MGAT4A: variants seen among roughly 807,000 people sequenced by gnomAD.
MGAT4A encodes the protein alpha-1,3-mannosyl-glycoprotein 4-beta-N-acetylglucosaminyltransferase A, also known as N-acetylglucosaminyltransferase IVa.
Under a neutral mutation model 74.1 loss-of-function variants are expected in MGAT4A, and 33 were observed. The observed-to-expected ratio is 0.45, with a 90% CI of 0.34 to 0.60. The LOEUF (loss-of-function observed/expected upper bound fraction) is 0.60. Ranked by LOEUF, MGAT4A falls within the 20% of genes least tolerant of loss-of-function variation. The pLI, the probability that MGAT4A is intolerant of heterozygous loss-of-function variation, is 0.02. For synonymous variants in MGAT4A, 198 were observed against 210.4 expected (o/e 0.94, Z 0.51); for missense variants, 479 against 628.3 (o/e 0.76, Z 2.54).
At chr2:98,658,297 GTTTTT>G (rs770534189) in intron 5 of MGAT4A, 33 bp from the exon 6 acceptor site, 1 of 1,343,792 alleles carries the variant, frequency 7.4e-7, no homozygotes, top group Non-Finnish European at 1.0e-6. Context: ...CTATATTCAA[GTTTTT>G]ATATTTTTAT....
intron 2 of MGAT4A, among the ~76,000 whole-genome samples, chr2:98,723,241 GGAGAT>G (rs965111816): frequency 2.0e-5 from 3 of 152,134 alleles, no homozygotes; most frequent in African/African-American, 7.2e-5. Context: ...GAAAGCTTAA[GGAGAT>G]GAATAACTCC....
At chr2:98,663,315 G>GA (rs1314365617) in intron 4 of MGAT4A, 136 bp from the exon 5 acceptor site, 1 of 1,522,800 alleles carries the variant, frequency 6.6e-7, no homozygotes, top group East Asian at 2.4e-5. Context: ...GTTTCAGGAA[G>GA]AAAAATAAAG....
intron 4 of MGAT4A, among the ~76,000 whole-genome samples, chr2:98,668,252 T>C (rs906711652): frequency 1.1e-4 from 17 of 151,966 alleles, no homozygotes; most frequent in African/African-American, 4.1e-4. Context: ...GAGGGAAAAA[T>C]GGTTTCCTGG....
intron 14 of MGAT4A, 92 bp downstream of exon 14, chr2:98,635,130 T>C (rs1701299598): frequency 3.3e-6 from 3 of 916,786 alleles, no homozygotes; most frequent in African/African-American, 3.3e-5. Flanking sequence ...GTAATTGTAA[T>C]CCTCAAGTTG....
intron 12 of MGAT4A, 80 bp downstream of exon 12, chr2:98,639,728 C>T: frequency 7.5e-7 from 1 of 1,325,060 alleles, no homozygotes; most frequent in Non-Finnish European, 1.0e-6. Flanking sequence ...GTCAGGCACA[C>T]ACACAAAAAT....
At chr2:98,681,321 A>G in intron 2 of MGAT4A, among the ~76,000 whole-genome samples, 1 of 152,150 alleles carries the variant, frequency 6.6e-6, no homozygotes, top group Non-Finnish European at 1.5e-5. Context: ...TTTGAACTTG[A>G]TGTATAATTC....
chr2:98,641,121 G>C (rs899543123), intron 10 of MGAT4A, among the ~76,000 whole-genome samples: 5 of 152,144 alleles, frequency 3.3e-5, no homozygotes, highest in African/African-American at 1.2e-4. Context: ...TGTGAAGGCT[G>C]TGCAACACCG....
At chr2:98,638,821 G>A (rs1701361445) in intron 12 of MGAT4A, among the ~76,000 whole-genome samples, 1 of 152,130 alleles carries the variant, frequency 6.6e-6, no homozygotes, top group African/African-American at 2.4e-5. Flanking sequence ...ACCTCAAATA[G>A]AATTACTGAA....
intron 2 of MGAT4A, among the ~76,000 whole-genome samples, chr2:98,684,668 A>G (rs900659661): frequency 2.0e-5 from 3 of 152,210 alleles, no homozygotes; most frequent in Non-Finnish European, 4.4e-5. Context: ...ATTGTTCAAC[A>G]GTATAAATGA....
At chr2:98,652,475 G>C (rs568541545) in intron 8 of MGAT4A, among the ~76,000 whole-genome samples, 1 of 151,970 alleles carries the variant, frequency 6.6e-6, no homozygotes, top group Admixed American at 6.6e-5. Context: ...GGACTACTAG[G>C]CGCCCGCCAC....
chr2:98,630,808 G>A (rs1701220398), intron 14 of MGAT4A, among the ~76,000 whole-genome samples: 1 of 152,144 alleles, frequency 6.6e-6, no homozygotes, highest in Non-Finnish European at 1.5e-5. Flanking sequence ...AGAAGAAAAG[G>A]GAAGAAGACT....
chr2:98,663,277 G>A, intron 4 of MGAT4A, 98 bp from the exon 5 acceptor site: 2 of 1,533,166 alleles, frequency 1.3e-6, no homozygotes, highest in South Asian at 2.4e-5. Context: ...AAATTGATAG[G>A]AATAACTGAT....
chr2:98,713,213 G>T (rs28501671), intron 2 of MGAT4A, among the ~76,000 whole-genome samples: 42,937 of 135,868 alleles, frequency 0.32, 9,105 homozygotes, highest in African/African-American at 0.58. Context: ...AAAAAAAGCC[G>T]TTTATCTTTA....
intron 2 of MGAT4A, chr2:98,694,753 G>C (rs1453498106): frequency 1.3e-5 from 2 of 152,252 alleles, no homozygotes; most frequent in African/African-American, 4.8e-5. Flanking sequence ...GAACCCAGAA[G>C]GCGGAGGTTG....
intron 4 of MGAT4A, among the ~76,000 whole-genome samples, chr2:98,667,899 T>A (rs1277881806): frequency 6.6e-6 from 1 of 152,080 alleles, no homozygotes; most frequent in Non-Finnish European, 1.5e-5. Flanking sequence ...TTTGTATTTT[T>A]AGTAGAGACA....
intron 4 of MGAT4A, 87 bp downstream of exon 4, chr2:98,674,948 C>A: frequency 7.2e-7 from 1 of 1,388,076 alleles, no homozygotes; most frequent in Non-Finnish European, 9.9e-7. Context: ...ATTTTTTGAC[C>A]TCCCAGACTT....
rs773491929 is a variant in MGAT4A, at chr2:98,726,264, C to A, written c.69G>T (p.Trp23Cys). 3 of 1,613,886 alleles carry A rather than the reference C, an allele frequency of 1.9e-6. No homozygotes were observed. The South Asian group carries it at 3.3e-5, about 18-fold the overall frequency. Reference sequence around the variant, plus strand: ...CTTTCCCATTTTGCCATGTAGTATACCAAGACAAAGTAAGGAAGGAAGTGA... The same window carrying A: ...CTTTCCCATTTTGCCATGTAGTATAACAAGACAAAGTAAGGAAGGAAGTGA... ...AFITSFLTLS[W>C]YTTWQNGKEK... The change falls in exon 2 of 16, where the codon TGG becomes TGT. Residue 23 changes from tryptophan (W) to cysteine (C), a missense_variant. By Grantham distance (215) the Trp-to-Cys change is radical. Transcript: ENST00000393487.
At chr2:98,707,252 A>G (rs1365938748) in intron 2 of MGAT4A, among the ~76,000 whole-genome samples, 1 of 152,188 alleles carries the variant, frequency 6.6e-6, no homozygotes, top group East Asian at 1.9e-4. Context: ...TAATAGGAAT[A>G]TAGGTGTTTC....
intron 2 of MGAT4A, among the ~76,000 whole-genome samples, chr2:98,725,618 TAA>T (rs5832857): frequency 7.7e-5 from 11 of 142,312 alleles, no homozygotes; most frequent in Admixed American, 7.0e-5. Context: ...TAGTTTCTCT[TAA>T]AAAAAAAAAA....
Sources: allele counts gnomAD v4.1 joint callset (sites outside exome capture counted in the v4.1 genomes callset), GRCh38; gene constraint gnomAD v4.1.1; transcripts MANE v1.5; gene names NCBI Gene and HGNC (gene_info 2026-07-23, HGNC 2026-07-21).